Variants in DCPS observed in about 807,000 individuals in gnomAD.
DCPS encodes the protein m7GpppX diphosphatase.
In DCPS, 27 loss-of-function variants were observed where a neutral mutation model predicts 34.7. The observed-to-expected ratio is 0.78, with a 90% confidence interval of 0.57 to 1.07. DCPS has a LOEUF of 1.07. DCPS is among the 50% of genes least tolerant of loss of function. The probability of loss-of-function intolerance (pLI) is 0.00; values close to 1 mark genes in which losing one functional copy is unlikely to be tolerated. For synonymous variants in DCPS, 185 were observed against 185.7 expected (o/e 1.00, Z 0.03); for missense variants, 464 against 436.9 (o/e 1.06, Z -0.55).
At position 126,338,264 on chromosome 11, in the gene DCPS, A is replaced by G; in HGVS notation, c.523-22A>G. 1 of 1,611,290 alleles carries G rather than the reference A, an allele frequency of 6.2e-7. No individual in the cohort carries two copies. Among genetic ancestry groups the G allele is most frequent in the African/African-American group, 1.3e-5 (1 of 74,956 alleles). On this transcript the variant is annotated intron_variant, in intron 3 of 5. Transcript: ENST00000263579. The surrounding 1 kb of genome is among the most constrained non-coding windows in gnomAD (Gnocchi z 5.4). ...GGGGTGATGAGTGGATTTGTGAACCATCTCTCTCCCCCTCCTTTCAGTGGG... is the reference window on the plus strand; with the variant it reads ...GGGGTGATGAGTGGATTTGTGAACCGTCTCTCTCCCCCTCCTTTCAGTGGG...
intron 4 of DCPS, chr11:126,340,828 T>C (rs1383163453): frequency 6.6e-6 from 1 of 152,238 alleles, no homozygotes; most frequent in East Asian, 1.9e-4. Context: ...CTAGAGACTG[T>C]GCCTCCTTAG....
At position 126,332,675 on chromosome 11, in the gene DCPS, T is replaced by G. The variant is rs1415533779; in HGVS notation, c.522+1125T>G. 6.6e-6 allele frequency among the ~76,000 whole-genome samples: 1 copy of G among 152,214 alleles called. No individual in the cohort carries two copies. The highest frequency in any genetic ancestry group is 1.5e-5 in the Non-Finnish European group (1 of 68,034). On this transcript the variant is annotated intron_variant, in intron 3 of 5. Coordinates refer to ENST00000263579, the MANE Select transcript of DCPS (RefSeq NM_014026.6). This position sits in a 1 kb window ranked among gnomAD's most constrained non-coding sequence, Gnocchi z 5.4. ...GAATGAAGTTTCCTTGGGAGACCTG[T>G]GTGCCGCCAGCCCCCTTCCCCAGCC...
rs1951813208 is a variant in DCPS at position 126,334,184 on chromosome 11, G to C, written c.522+2634G>C. Among the ~76,000 whole-genome samples, 1 of 152,138 alleles carries C rather than the reference G, an allele frequency of 6.6e-6. No individual in the cohort carries two copies. The highest frequency in any genetic ancestry group is 1.5e-5 in the Non-Finnish European group (1 of 68,028). On this transcript the variant is annotated intron_variant, in intron 3 of 5. Coordinates refer to ENST00000263579, the MANE Select transcript of DCPS (RefSeq NM_014026.6). This position sits in a 1 kb window ranked among gnomAD's most constrained non-coding sequence, Gnocchi z 5.5. ...GAAGAGGTTGGGTGATGAGTGGATA[G>C]AAGGATAATTCATGACCCAGTATAG...
In DCPS at chr11:126,329,194, T is replaced by C. The variant is rs755120402; in HGVS notation, c.377-2211T>C. 4.6e-5 allele frequency among the ~76,000 whole-genome samples: 7 copies of C among 152,156 alleles called. No individual in the cohort carries two copies. The highest frequency in any genetic ancestry group is 7.3e-5 in the Non-Finnish European group (5 of 68,028). ...CCCATGACCTATGACGCTGAGCTGTTAGAGAACAGAGTGAGAAGCAAGAAA... is the reference window on the plus strand; with the variant it reads ...CCCATGACCTATGACGCTGAGCTGTCAGAGAACAGAGTGAGAAGCAAGAAA... On this transcript the variant is annotated intron_variant, in intron 2 of 5. Coordinates refer to ENST00000263579, the MANE Select transcript of DCPS (RefSeq NM_014026.6). The surrounding 1 kb of genome is among the most constrained non-coding windows in gnomAD (Gnocchi z 5.0).
chr11:126,344,450 C>G lies in DCPS; in HGVS notation c.748-897C>G, dbSNP rs1951901382. 6.6e-6 allele frequency among the ~76,000 whole-genome samples: 1 copy of G among 152,172 alleles called. No homozygotes were observed. Among genetic ancestry groups the G allele is most frequent in the Non-Finnish European group, 1.5e-5 (1 of 68,036 alleles). Reference sequence around the variant, plus strand: ...ACCTGCCCTAGCAGCTCAGACAGCTCCACCCTGGCAGACAGACCTCACTTA... The same window carrying G: ...ACCTGCCCTAGCAGCTCAGACAGCTGCACCCTGGCAGACAGACCTCACTTA... On this transcript the variant is annotated intron_variant, in intron 5 of 5. Coordinates refer to ENST00000263579, the MANE Select transcript of DCPS (RefSeq NM_014026.6). This position sits in a 1 kb window ranked among gnomAD's most constrained non-coding sequence, Gnocchi z 8.1.
intron 1 of DCPS, 163 bp downstream of exon 1, chr11:126,304,444 C>A: frequency 1.3e-6 from 1 of 743,170 alleles, no homozygotes; most frequent in Non-Finnish European, 2.2e-6. Context: ...CGGTGAAAGG[C>A]GGCAAGATTG....
Position 126,343,410 on chromosome 11 carries a change from A to C in DCPS, c.740A>C (p.Gln247Pro). 1 of 1,612,996 alleles carries C rather than the reference A, an allele frequency of 6.2e-7. No individual in the cohort carries two copies. The change falls in exon 5 of 6, where the codon CAG (glutamine) becomes CCG (proline). Residue 247 changes from glutamine to proline, a missense_variant. By Grantham distance (76) the Gln-to-Pro change is moderately conservative. Transcript: ENST00000263579. Reference protein sequence around the residue: ...HLPLLRNILHQGQEAILQRYR... With the variant: ...HLPLLRNILHPGQEAILQRYR... ...CCGCTGCTCAGGAACATCCTCCACC[A>C]GGGGCAGGTGAGTGGCTTCACCAAA...
rs1165260410 is a variant in DCPS, at chr11:126,305,413, C to CTTT, written c.202-1135_202-1133dup. 1.4e-3 allele frequency among the ~76,000 whole-genome samples: 95 copies of CTTT among 68,310 alleles called. 1 individual carries two copies. The highest frequency in any genetic ancestry group is 1.8e-3 in the Non-Finnish European group (64 of 36,114). The allele number at this position is 68,310 out of a possible 152,430, so 44.8% of individuals were successfully genotyped here. A position where few individuals can be genotyped will look rare whatever the true frequency, so the allele number is the denominator to read the frequency against. ...TACAGGCGTGAGCCACCGCACCCGCCTTTTTTTTTTTTTTTTTTTTTTTTG... is the reference window on the plus strand; with the variant it reads ...TACAGGCGTGAGCCACCGCACCCGCCTTTTTTTTTTTTTTTTTTTTTTTTTTTG... On this transcript the variant is annotated intron_variant, in intron 1 of 5. Coordinates refer to ENST00000263579, the MANE Select transcript of DCPS (RefSeq NM_014026.6).
intron 1 of DCPS, among the ~76,000 whole-genome samples, chr11:126,305,934 G>A (rs1377468395): frequency 6.6e-6 from 1 of 152,158 alleles, no homozygotes; most frequent in Non-Finnish European, 1.5e-5. Context: ...ATGTGACCTT[G>A]GGCAAGTCAC....
chr11:126,304,280 A>T lies in DCPS; in HGVS notation c.200A>T (p.Lys67Met), dbSNP rs887621009. ...ARDKIIFLHG[K>M]VNEASGDGDG... The stretch of plus-strand genomic sequence containing the variant: ...GACAAAATCATTTTCCTACACGGGA[A>T]GGTACCAGGAGGCAACCCTGAGGTG... Residue 67 changes from lysine to methionine, a missense_variant and splice_region_variant, in exon 1 of 6, where the codon AAG becomes ATG. Transcript: ENST00000263579. 1 of 1,613,820 alleles carries T rather than the reference A, an allele frequency of 6.2e-7. No individual in the cohort carries two copies.
chr11:126,346,945 C>G lies in DCPS; in HGVS notation c.*1332C>G, dbSNP rs995168889. ...CTCTACTAAAAAACAGAAAAATTAG[C>G]CAGGTGTGGTGGTGGGCTCCTATAA... On this transcript the variant is annotated 3_prime_UTR_variant, in exon 6 of 6. Transcript: ENST00000263579. The surrounding 1 kb of genome is among the most constrained non-coding windows in gnomAD (Gnocchi z 4.1). Among the ~76,000 whole-genome samples, 2 of 151,968 alleles carry G rather than the reference C, an allele frequency of 1.3e-5. No homozygotes were observed. Among genetic ancestry groups the G allele is most frequent in the African/African-American group, 4.8e-5 (2 of 41,388 alleles).
chr11:126,304,294 A>C lies in DCPS; in HGVS notation c.201+13A>C, dbSNP rs1391579654. On this transcript the variant is annotated intron_variant, in intron 1 of 5. Transcript: ENST00000263579. ...CCTACACGGGAAGGTACCAGGAGGC[A>C]ACCCTGAGGTGGGATGCGGGAAGCA... 3.1e-6 allele frequency: 5 copies of C among 1,613,732 alleles called. No individual in the cohort carries two copies. The South Asian group carries it at 5.5e-5, about 18-fold the overall frequency.
At chr11:126,330,836 A>T (rs929372032) in intron 2 of DCPS, among the ~76,000 whole-genome samples, 19 of 144,024 alleles carry the variant, frequency 1.3e-4, no homozygotes, top group African/African-American at 4.7e-4. Context: ...TCCCAGGTTC[A>T]AGTGGTTCTC....
In DCPS at chr11:126,344,776, A is replaced by C. The variant is rs1303511645; in HGVS notation, c.748-571A>C. Among the ~76,000 whole-genome samples, 1 of 152,332 alleles carries C rather than the reference A, an allele frequency of 6.6e-6. No homozygotes were observed. The highest frequency in any genetic ancestry group is 1.9e-4 in the East Asian group (1 of 5,190). On this transcript the variant is annotated intron_variant, in intron 5 of 5. Transcript: ENST00000263579. The surrounding 1 kb of genome is among the most constrained non-coding windows in gnomAD (Gnocchi z 8.1). ...CAAAGTCAATGCTTTCCTCTTCTGCAAGGAGCCCGCTGAGACTTCGCCAGG... is the reference window on the plus strand; with the variant it reads ...CAAAGTCAATGCTTTCCTCTTCTGCCAGGAGCCCGCTGAGACTTCGCCAGG...
rs1461240740 is a variant in DCPS at position 126,325,921 on chromosome 11, C to T, written c.377-5484C>T. On this transcript the variant is annotated intron_variant, in intron 2 of 5. Transcript: ENST00000263579. The surrounding 1 kb of genome is among the most constrained non-coding windows in gnomAD (Gnocchi z 4.3). ...GATTACGAGATCAGGAAATCGAGGC[C>T]ATCCTGGCCAACTTGGTGAAACCCT... Among the ~76,000 whole-genome samples the T allele has an allele frequency of 6.6e-6, 1 of 152,038 alleles. No individual in the cohort carries two copies. The highest frequency in any genetic ancestry group is 1.5e-5 in the Non-Finnish European group (1 of 68,014).
chr11:126,328,149 G>A lies in DCPS; in HGVS notation c.377-3256G>A, dbSNP rs1215867437. ...CGAGTTAGTGGGTCAGTGGGGAGCC[G>A]GCGCGGCTGGAGCAGAGGCCCTAAG... is the stretch of plus-strand genomic sequence containing the variant. On this transcript the variant is annotated intron_variant, in intron 2 of 5. Transcript: ENST00000263579. This position sits in a 1 kb window ranked among gnomAD's most constrained non-coding sequence, Gnocchi z 6.6. Among the ~76,000 whole-genome samples, 4 of 152,190 alleles carry A rather than the reference G, an allele frequency of 2.6e-5. No homozygotes were observed. Among genetic ancestry groups the A allele is most frequent in the Non-Finnish European group, 5.9e-5 (4 of 68,026 alleles).
Position 126,315,143 on chromosome 11 carries a change from G to T in DCPS, c.376+8399G>T, listed in dbSNP as rs1951648321. Among the ~76,000 whole-genome samples the T allele has an allele frequency of 1.3e-5, 2 of 151,984 alleles. No individual in the cohort carries two copies. ...AGAGGATCAAAAAACTCCCTATCAGGTATTATGCTTATTACCTGGGTGATG... is the reference window on the plus strand; with the variant it reads ...AGAGGATCAAAAAACTCCCTATCAGTTATTATGCTTATTACCTGGGTGATG... On this transcript the variant is annotated intron_variant, in intron 2 of 5. Coordinates refer to ENST00000263579, the MANE Select transcript of DCPS (RefSeq NM_014026.6). The surrounding 1 kb of genome is among the most constrained non-coding windows in gnomAD (Gnocchi z 6.1).
At chr11:126,330,870 G>A (rs1951784333) in intron 2 of DCPS, among the ~76,000 whole-genome samples, 1 of 151,008 alleles carries the variant, frequency 6.6e-6, no homozygotes, top group East Asian at 1.9e-4. Context: ...CTGAGTAGCT[G>A]GGATTACAGG....
chr11:126,332,680 C>T lies in DCPS; in HGVS notation c.522+1130C>T, dbSNP rs867343279. Among the ~76,000 whole-genome samples, 8 of 152,314 alleles carry T rather than the reference C, an allele frequency of 5.3e-5. No homozygotes were observed. The highest frequency in any genetic ancestry group is 1.4e-4 in the African/African-American group (6 of 41,576). ...AAGTTTCCTTGGGAGACCTGTGTGC[C>T]GCCAGCCCCCTTCCCCAGCCTGGTT... On this transcript the variant is annotated intron_variant, in intron 3 of 5. Coordinates refer to ENST00000263579, the MANE Select transcript of DCPS (RefSeq NM_014026.6). The surrounding 1 kb of genome is among the most constrained non-coding windows in gnomAD (Gnocchi z 5.4).
Sources: allele counts gnomAD v4.1 joint callset (sites outside exome capture counted in the v4.1 genomes callset), GRCh38; gene constraint gnomAD v4.1.1; non-coding constraint Gnocchi (gnomAD v3.1); transcripts MANE v1.5; gene names NCBI Gene and HGNC (gene_info 2026-07-23, HGNC 2026-07-21).